Variants in TEKT5 observed in about 807,000 individuals in gnomAD.
The protein encoded by TEKT5 is tektin 5.
A neutral mutation model predicts 48.7 loss-of-function variants in TEKT5; 52 were observed. The observed-to-expected ratio is 1.07, with a 90% CI of 0.86 to 1.35. The LOEUF is 1.35. Among genes scored for constraint, TEKT5 ranks in the 40% most tolerant of loss-of-function variants. TEKT5 has a pLI of 0.00. For missense variants in TEKT5, 831 were observed against 641.6 expected (o/e 1.30, Z -3.19); for synonymous variants, 318 against 267.6 (o/e 1.19, Z -1.84).
At chr16:10,633,473 A>C (rs1411211216) in intron 6 of TEKT5, among the ~76,000 whole-genome samples, 1 of 152,170 alleles carries the variant, frequency 6.6e-6, no homozygotes, top group African/African-American at 2.4e-5. Context: ...AGAGGTCAGC[A>C]GAGCCCAGCC....
chr16:10,664,877 T>A (rs915131009), intron 5 of TEKT5, among the ~76,000 whole-genome samples: 1 of 152,184 alleles, frequency 6.6e-6, no homozygotes, highest in African/African-American at 2.4e-5. Context: ...TAGCTAATAG[T>A]CATTATCACT....
chr16:10,674,610 C>T (rs985885982), intron 5 of TEKT5, among the ~76,000 whole-genome samples: 2 of 66,942 alleles, frequency 3.0e-5, no homozygotes, highest in African/African-American at 1.3e-4. Context: ...AGAGCAAGAT[C>T]ATCTCAGAAA....
chr16:10,676,987 C>A (rs1214243117), intron 4 of TEKT5, among the ~76,000 whole-genome samples: 1 of 152,198 alleles, frequency 6.6e-6, no homozygotes, highest in African/African-American at 2.4e-5. Flanking sequence ...AGTTCAAGAC[C>A]ACACTGGGCA....
Position 10,694,536 on chromosome 16 carries a change from C to T in TEKT5, c.338G>A (p.Ser113Asn), listed in dbSNP as rs1407806938. 6.2e-7 allele frequency: 1 copy of T among 1,607,610 alleles called. No homozygotes were observed. Among genetic ancestry groups the T allele is most frequent in the African/African-American group, 1.3e-5 (1 of 74,946 alleles). Reference sequence around the variant, plus strand: ...CCTCATGGAGTCATCCGTCAGCCGGCTGGCCCACAGCCGGGAGGCCTCGGC... The same window carrying T: ...CCTCATGGAGTCATCCGTCAGCCGGTTGGCCCACAGCCGGGAGGCCTCGGC... ...RGAEASRLWA[S>N]RLTDDSMRLL... The change falls in exon 1 of 7, where the codon AGC becomes AAC. Residue 113 changes from serine to asparagine, a missense_variant. By Grantham distance (46) the Ser-to-Asn change is conservative. Coordinates refer to ENST00000283025, the MANE Select transcript of TEKT5 (RefSeq NM_144674.2).
intron 5 of TEKT5, among the ~76,000 whole-genome samples, chr16:10,664,323 C>A (rs756635064): frequency 2.6e-5 from 4 of 152,158 alleles, no homozygotes; most frequent in Non-Finnish European, 5.9e-5. Context: ...CATGTCTACA[C>A]CTGGAAGATA....
At chr16:10,644,361 T>C (rs1228447223) in intron 5 of TEKT5, among the ~76,000 whole-genome samples, 2 of 152,166 alleles carry the variant, frequency 1.3e-5, no homozygotes. Context: ...AACCCTAAAG[T>C]CATTTTTCTC....
rs562893670 is a variant in TEKT5 at position 10,629,097 on chromosome 16, G to A, written c.1242-1298C>T. ...AACTGGTGGCTTCCAGAGGTCAGGC[G>A]GTGGGGAGAATGTAGAAGATTGCTT... On this transcript the variant is annotated intron_variant, in intron 6 of 6. Coordinates refer to ENST00000283025, the MANE Select transcript of TEKT5 (RefSeq NM_144674.2). Among the ~76,000 whole-genome samples the A allele has an allele frequency of 1.2e-3, 189 of 152,168 alleles. 3 individuals are homozygous for A. Among genetic ancestry groups the A allele is most frequent in the Admixed American group, 2.6e-4 (4 of 15,280 alleles).
intron 5 of TEKT5, among the ~76,000 whole-genome samples, chr16:10,649,091 A>C (rs1382954525): frequency 1.3e-5 from 2 of 152,046 alleles, no homozygotes; most frequent in Non-Finnish European, 2.9e-5. Context: ...CTGGTACTAC[A>C]GGTGCATGCC....
chr16:10,681,107 C>A (rs1431972185), intron 4 of TEKT5, among the ~76,000 whole-genome samples: 2 of 150,284 alleles, frequency 1.3e-5, no homozygotes, highest in African/African-American at 4.9e-5. Flanking sequence ...TCACAGAAGG[C>A]ACCACCTCAT....
chr16:10,677,766 G>A (rs1307537643), intron 4 of TEKT5, among the ~76,000 whole-genome samples: 2 of 117,766 alleles, frequency 1.7e-5, no homozygotes, highest in African/African-American at 7.1e-5. Context: ...AGAAGAAATC[G>A]CAGCCTCTCC....
In TEKT5 at chr16:10,694,675, C is replaced by T. The variant is rs746378818; in HGVS notation, c.199G>A (p.Glu67Lys). The T allele has an allele frequency of 9.3e-6, 15 of 1,613,140 alleles. No individual in the cohort carries two copies. Among genetic ancestry groups the T allele is most frequent in the East Asian group, 8.9e-5 (4 of 44,890 alleles). The stretch of plus-strand genomic sequence containing the variant: ...GGCGGCCGCAGGGTACTGGTGCTCT[C>T]GTCCGGGCAGGTCTGGACGTTGGCT... ...KIANVQTCPD[E>K]STSTLRPPTI... The change falls in exon 1 of 7, where the codon GAG becomes AAG. Residue 67 changes from glutamate (E) to lysine (K), a missense_variant. Glu to Lys is a moderately conservative substitution (Grantham distance 56, BLOSUM62 1). Coordinates refer to ENST00000283025, the MANE Select transcript of TEKT5 (RefSeq NM_144674.2).
At chr16:10,691,938 A>T (rs1163710252) in intron 1 of TEKT5, among the ~76,000 whole-genome samples, 1 of 127,648 alleles carries the variant, frequency 7.8e-6, no homozygotes, top group South Asian at 2.8e-4. Context: ...ACAGAGCGAG[A>T]GTCCATCTCA....
chr16:10,693,066 G>C (rs1899009706), intron 1 of TEKT5: 1 of 152,324 alleles, frequency 6.6e-6, no homozygotes. Context: ...TGTTAGGAAT[G>C]TCCACATTTA....
At chr16:10,689,864 G>A (rs1596422546) in intron 2 of TEKT5, 78 bp downstream of exon 2, 2 of 1,407,962 alleles carry the variant, frequency 1.4e-6, no homozygotes, top group East Asian at 4.6e-5. Flanking sequence ...GCTCCTGACA[G>A]GTAGCTCAGT....
At chr16:10,694,256 G>T in intron 1 of TEKT5, 54 bp downstream of exon 1, 2 of 1,495,014 alleles carry the variant, frequency 1.3e-6, no homozygotes, top group Non-Finnish European at 1.8e-6. Flanking sequence ...AGCAGAATGA[G>T]CGTGCAGTAT....
At chr16:10,637,196 G>C (rs1019092177) in intron 5 of TEKT5, among the ~76,000 whole-genome samples, 2 of 151,814 alleles carry the variant, frequency 1.3e-5, no homozygotes, top group African/African-American at 4.8e-5. Flanking sequence ...GTGTTACCCA[G>C]GATTGATTTT....
chr16:10,680,566 A>C (rs1275715846), intron 4 of TEKT5, among the ~76,000 whole-genome samples: 1 of 151,790 alleles, frequency 6.6e-6, no homozygotes, highest in Non-Finnish European at 1.5e-5. Flanking sequence ...GCATGTTTTC[A>C]TTCTGCATAA....
chr16:10,677,605 T>G (rs1407877887), intron 4 of TEKT5, among the ~76,000 whole-genome samples: 1 of 144,660 alleles, frequency 6.9e-6, no homozygotes, highest in East Asian at 2.1e-4. Flanking sequence ...TAAGACCCTG[T>G]CCCCCCCAAC....
rs564390203 is a variant in TEKT5, at chr16:10,672,582, C to A, written c.1086+3377G>T. 2.0e-5 allele frequency among the ~76,000 whole-genome samples: 3 copies of A among 152,028 alleles called. No homozygotes were observed. In the South Asian group the frequency reaches 6.2e-4, roughly 32 times the overall value. On this transcript the variant is annotated intron_variant, in intron 5 of 6. Transcript: ENST00000283025. ...CTGCACTCCAGACTGGGTTACAGAG[C>A]GAGACTGTCTCAAAAAAACCACCTC...
Sources: allele counts gnomAD v4.1 joint callset (sites outside exome capture counted in the v4.1 genomes callset), GRCh38; gene constraint gnomAD v4.1.1; transcripts MANE v1.5; gene names NCBI Gene and HGNC (gene_info 2026-07-23, HGNC 2026-07-21).